Variants in SLC39A6 observed in about 807,000 individuals in gnomAD.
SLC39A6 encodes the protein zinc transporter ZIP6.
A neutral mutation model predicts 63.5 loss-of-function variants in SLC39A6; 51 were observed. The observed-to-expected ratio is 0.80, with a 90% CI of 0.64 to 1.01. SLC39A6 has a LOEUF of 1.01. Ranked by LOEUF, SLC39A6 falls within the 50% of genes least tolerant of loss-of-function variation. The pLI is 0.00. For synonymous variants in SLC39A6, 318 were observed against 324.7 expected, an observed-to-expected ratio of 0.98 and a Z score of 0.22; for missense variants, 805 against 927.8, an observed-to-expected ratio of 0.87 and a Z score of 1.72.
chr18:36,117,765 C>T (rs1044437244), intron 5 of SLC39A6, among the ~76,000 whole-genome samples: 25 of 152,174 alleles, frequency 1.6e-4, no homozygotes, highest in Admixed American at 1.5e-3. Context: ...GGCATGGTGG[C>T]GAACGCCTGT....
intron 6 of SLC39A6, among the ~76,000 whole-genome samples, chr18:36,116,199 T>A (rs2089344061): frequency 6.6e-6 from 1 of 152,212 alleles, no homozygotes; most frequent in South Asian, 2.1e-4. Flanking sequence ...CCTGATTTAA[T>A]AATTAAACTC....
Position 36,122,163 on chromosome 18 carries a change from G to C in SLC39A6, c.1248C>G (p.Ala416=), listed in dbSNP as rs1403852726. ...HLSSQNIEES[A]YFDSTWKGLT... ...GACCCTTCCACGTGGAATCAAAATA[G>C]GCACTTTCTTCTATGTTTTGAGAAG... Residue 416 remains alanine (A), a synonymous_variant, in exon 5 of 10, where the codon GCC becomes GCG. Coordinates refer to ENST00000269187, the MANE Select transcript of SLC39A6 (RefSeq NM_012319.4). 7 of 1,613,910 alleles carry C rather than the reference G, an allele frequency of 4.3e-6. No individual in the cohort carries two copies. Among genetic ancestry groups the C allele is most frequent in the Non-Finnish European group, 5.9e-6 (7 of 1,179,848 alleles).
chr18:36,114,093 A>C lies in SLC39A6; in HGVS notation c.1843+4T>G. On this transcript the variant is annotated splice_donor_region_variant and intron_variant, in intron 7 of 9. Transcript: ENST00000269187. ...CAACAAGGAACAAATATGTAGATAT[A>C]TACCAATTGCTAGGCCATCGCTGAA... 6.3e-7 allele frequency: 1 copy of C among 1,585,348 alleles called. No homozygotes were observed. The highest frequency in any genetic ancestry group is 8.6e-7 in the Non-Finnish European group (1 of 1,164,852).
intron 2 of SLC39A6, among the ~76,000 whole-genome samples, chr18:36,125,917 TAG>T (rs969757351): frequency 6.6e-6 from 1 of 152,248 alleles, no homozygotes; most frequent in Non-Finnish European, 1.5e-5. Flanking sequence ...TTCACCTTTA[TAG>T]ACTTTCTCTA....
In SLC39A6 at chr18:36,126,555, T is replaced by C. The variant is rs2089439305; in HGVS notation, c.453A>G (p.Ser151=). The C allele has an allele frequency of 6.2e-7, 1 of 1,614,112 alleles. No homozygotes were observed. Among genetic ancestry groups the C allele is most frequent in the African/African-American group, 1.3e-5 (1 of 74,944 alleles). The change falls in exon 2 of 10, where the codon TCA becomes TCG. Residue 151 remains serine, a synonymous_variant. Coordinates refer to ENST00000269187, the MANE Select transcript of SLC39A6 (RefSeq NM_012319.4). ...KRKALCPDHD[S]DSSGKDPRNS... ...TTCTAGGATCTTTACCTGAACTATC[T>C]GAGTCATGGTCTGGGCAAAGAGCTT...
intron 5 of SLC39A6, among the ~76,000 whole-genome samples, chr18:36,118,662 G>A (rs944897522): frequency 1.3e-5 from 2 of 152,212 alleles, no homozygotes; most frequent in Non-Finnish European, 2.9e-5. Flanking sequence ...TCAGACAATA[G>A]AACTCTGTTG....
At chr18:36,121,614 G>C (rs2089394972) in intron 5 of SLC39A6, among the ~76,000 whole-genome samples, 1 of 152,172 alleles carries the variant, frequency 6.6e-6, no homozygotes, top group Non-Finnish European at 1.5e-5. Context: ...GATCCAATTT[G>C]CAAAGGGCAA....
At chr18:36,127,327 G>T (rs1481252718) in intron 1 of SLC39A6, among the ~76,000 whole-genome samples, 1 of 152,186 alleles carries the variant, frequency 6.6e-6, no homozygotes, top group Non-Finnish European at 1.5e-5. Flanking sequence ...ACTGCTTACT[G>T]AAGTTGAGAA....
At position 36,114,094 on chromosome 18, in the gene SLC39A6, T is replaced by C. The variant is rs1192958712; in HGVS notation, c.1843+3A>G. The C allele has an allele frequency of 3.8e-6, 6 of 1,586,776 alleles. No individual in the cohort carries two copies. Among genetic ancestry groups the C allele is most frequent in the East Asian group, 4.5e-5 (2 of 44,620 alleles). On this transcript the variant is annotated splice_donor_region_variant and intron_variant, in intron 7 of 9. Coordinates refer to ENST00000269187, the MANE Select transcript of SLC39A6 (RefSeq NM_012319.4). ...AACAAGGAACAAATATGTAGATATATACCAATTGCTAGGCCATCGCTGAAA... is the reference window on the plus strand; with the variant it reads ...AACAAGGAACAAATATGTAGATATACACCAATTGCTAGGCCATCGCTGAAA...
intron 1 of SLC39A6, among the ~76,000 whole-genome samples, chr18:36,128,721 G>A (rs1331301069): frequency 6.6e-6 from 1 of 152,200 alleles, no homozygotes; most frequent in Non-Finnish European, 1.5e-5. Flanking sequence ...CTGCAAGTTG[G>A]TGTGTGCTGG....
At chr18:36,121,955 T>C in intron 5 of SLC39A6, 97 bp downstream of exon 5, 1 of 847,290 alleles carries the variant, frequency 1.2e-6, no homozygotes, top group African/African-American at 1.7e-5. Context: ...CAAATAAAGC[T>C]CATACAACCT....
rs543061956 is a variant in SLC39A6 at position 36,127,500 on chromosome 18, C to T, written c.-9-484G>A. ...ACCAGCCTGGGCAACATTGTGAAAC[C>T]CTGTCTCAAAAAAAAAAAAGAACGA... On this transcript the variant is annotated intron_variant, in intron 1 of 9. Coordinates refer to ENST00000269187, the MANE Select transcript of SLC39A6 (RefSeq NM_012319.4). Among the ~76,000 whole-genome samples, 184 of 151,808 alleles carry T rather than the reference C, an allele frequency of 1.2e-3. 1 individual carries two copies. The highest frequency in any genetic ancestry group is 4.3e-3 in the African/African-American group (179 of 41,404).
chr18:36,126,320 T>C lies in SLC39A6; in HGVS notation c.688A>G (p.Ser230Gly), dbSNP rs756819469. 2 of 1,614,228 alleles carry C rather than the reference T, an allele frequency of 1.2e-6. No individual in the cohort carries two copies. Among genetic ancestry groups the C allele is most frequent in the South Asian group, 1.1e-5 (1 of 91,084 alleles). Residue 230 changes from serine to glycine, a missense_variant, in exon 2 of 10, where the codon AGC (serine) becomes GGC (glycine). By Grantham distance (56) the Ser-to-Gly change is moderately conservative (BLOSUM62 0). Transcript: ENST00000269187. ...SSTPPSVTSK[S>G]RVSRLAGRKT... ...CTACCAGCCAGCCGGCTCACCCGGC[T>C]CTTTGATGTGACACTGGGTGGAGTG...
At position 36,109,548 on chromosome 18, in the gene SLC39A6, G is replaced by C. The variant is rs775642888; in HGVS notation, c.*45C>G. 1.3e-5 allele frequency: 19 copies of C among 1,513,818 alleles called. No homozygotes were observed. The African/African-American group carries it at 2.6e-4, about 21-fold the overall frequency. 93.8% of individuals were successfully genotyped at this position (1,513,818 alleles called of 1,614,324 possible). A position where few individuals can be genotyped will look rare whatever the true frequency, so the allele number is the denominator to read the frequency against. On this transcript the variant is annotated 3_prime_UTR_variant, in exon 10 of 10. Transcript: ENST00000269187. ...CAAACTCATCTCCCTATGACCTACT[G>C]AAACTATGACAACTTTTTAAGCTAC...
intron 5 of SLC39A6, among the ~76,000 whole-genome samples, chr18:36,119,550 TATA>T (rs1477932432): frequency 1.3e-5 from 2 of 151,190 alleles, no homozygotes; most frequent in African/African-American, 4.9e-5. Flanking sequence ...AATAGTAATA[TATA>T]ATATTATTGT....
intron 6 of SLC39A6, among the ~76,000 whole-genome samples, chr18:36,116,276 T>G (rs1338849141): frequency 2.0e-5 from 3 of 152,164 alleles, no homozygotes; most frequent in East Asian, 3.8e-4. Flanking sequence ...AAACATCATG[T>G]CTATAACTTA....
At chr18:36,125,022 T>C (rs1472402521) in intron 2 of SLC39A6, among the ~76,000 whole-genome samples, 1 of 152,136 alleles carries the variant, frequency 6.6e-6, no homozygotes, top group Non-Finnish European at 1.5e-5. Flanking sequence ...ATTAAGGAAA[T>C]GAGCTTTAAT....
chr18:36,121,455 C>T (rs1010609278), intron 5 of SLC39A6, among the ~76,000 whole-genome samples: 1 of 152,196 alleles, frequency 6.6e-6, no homozygotes, highest in Non-Finnish European at 1.5e-5. Flanking sequence ...CCCCACCTGA[C>T]CCACATCATT....
intron 6 of SLC39A6, among the ~76,000 whole-genome samples, chr18:36,115,139 C>T (rs1332195122): frequency 2.6e-5 from 4 of 151,146 alleles, no homozygotes; most frequent in African/African-American, 7.3e-5. Context: ...CACTGGAGTC[C>T]ATTTAAAAAA....
Sources: gnomAD v4.1 joint callset for allele counts (sites outside exome capture counted in the v4.1 genomes callset) on GRCh38, gnomAD v4.1.1 for gene constraint, MANE v1.5 for transcripts, NCBI Gene and HGNC (gene_info 2026-07-23, HGNC 2026-07-21) for gene names.